ASIC2: variants seen among roughly 807,000 people sequenced by gnomAD.
The protein encoded by ASIC2 is acid-sensing ion channel 2.
A neutral mutation model predicts 57.3 loss-of-function variants in ASIC2; 25 were observed. The observed-to-expected ratio is 0.44, with a 90% CI of 0.32 to 0.61. The LOEUF (loss-of-function observed/expected upper bound fraction) is 0.61. ASIC2 is among the 20% of genes least tolerant of loss of function. ASIC2 has a pLI of 0.06. For missense variants in ASIC2, 641 were observed against 738.1 expected (o/e 0.87, Z 1.52); for synonymous variants, 319 against 307.5 (o/e 1.04, Z -0.39).
chr17:34,105,480 C>CTTT (rs11305436), intron 1 of ASIC2, among the ~76,000 whole-genome samples: 2 of 122,876 alleles, frequency 1.6e-5, no homozygotes, highest in South Asian at 2.6e-4. Context: ...TTTCATCTAC[C>CTTT]TTTTTTTTTT....
intron 1 of ASIC2, among the ~76,000 whole-genome samples, chr17:34,063,321 C>G (rs977610158): frequency 2.6e-5 from 4 of 152,122 alleles, no homozygotes; most frequent in African/African-American, 9.7e-5. Context: ...ATCCAGCATC[C>G]TTTATGATTA....
intron 1 of ASIC2, among the ~76,000 whole-genome samples, chr17:33,554,159 T>G (rs1359691932): frequency 6.6e-6 from 1 of 152,238 alleles, no homozygotes; most frequent in Admixed American, 6.5e-5. Flanking sequence ...TTTAACTGCC[T>G]TGGATGGTTT....
At chr17:33,922,594 T>G (rs1915730342) in intron 1 of ASIC2, among the ~76,000 whole-genome samples, 1 of 152,358 alleles carries the variant, frequency 6.6e-6, no homozygotes, top group East Asian at 1.9e-4. Context: ...ATGAACATTC[T>G]ACAAATGTGA....
intron 1 of ASIC2, among the ~76,000 whole-genome samples, chr17:33,600,227 G>A (rs1905089439): frequency 6.6e-6 from 1 of 152,206 alleles, no homozygotes; most frequent in African/African-American, 2.4e-5. Context: ...CGTAATTATT[G>A]CAGGAATGGG....
intron 1 of ASIC2, among the ~76,000 whole-genome samples, chr17:33,407,792 G>A (rs979652352): frequency 6.6e-6 from 1 of 152,220 alleles, no homozygotes; most frequent in African/African-American, 2.4e-5. Context: ...AAGGAATTCT[G>A]GGAACCAGGT....
chr17:33,663,268 C>CA (rs567218743), intron 1 of ASIC2, among the ~76,000 whole-genome samples: 11 of 152,222 alleles, frequency 7.2e-5, no homozygotes, highest in Non-Finnish European at 1.5e-4. Flanking sequence ...TGTCTGATTC[C>CA]AAAATCCTTG....
intron 1 of ASIC2, among the ~76,000 whole-genome samples, chr17:33,560,493 G>A (rs1371878783): frequency 6.6e-6 from 1 of 152,186 alleles, no homozygotes; most frequent in African/African-American, 2.4e-5. Context: ...GGGAAAAGCA[G>A]GATTTGGGCA....
intron 1 of ASIC2, among the ~76,000 whole-genome samples, chr17:33,170,966 T>C (rs973493612): frequency 5.9e-5 from 9 of 152,170 alleles, no homozygotes; most frequent in African/African-American, 1.7e-4. Flanking sequence ...CCTCTTCCCC[T>C]CTACAGGCCT....
chr17:33,670,431 T>C (rs1907606456), intron 1 of ASIC2, among the ~76,000 whole-genome samples: 2 of 152,124 alleles, frequency 1.3e-5, no homozygotes, highest in African/African-American at 4.8e-5. Context: ...CCATTTTAAA[T>C]GAAGAGAAAA....
intron 1 of ASIC2, among the ~76,000 whole-genome samples, chr17:33,769,227 G>T (rs1911023846): frequency 1.3e-5 from 2 of 152,226 alleles, no homozygotes. Context: ...GGAACTGAAA[G>T]AACTAATTAG....
chr17:34,083,556 T>C (rs1036378133), intron 1 of ASIC2, among the ~76,000 whole-genome samples: 2 of 152,034 alleles, frequency 1.3e-5, no homozygotes, highest in African/African-American at 4.8e-5. Context: ...GATGGCTGGG[T>C]CAAATGGTAT....
intron 1 of ASIC2, among the ~76,000 whole-genome samples, chr17:33,353,003 A>G (rs1454826395): frequency 1.3e-5 from 2 of 152,030 alleles, no homozygotes; most frequent in African/African-American, 4.8e-5. Context: ...CACCAATAAC[A>G]TTTACCCATC....
intron 1 of ASIC2, among the ~76,000 whole-genome samples, chr17:34,031,282 C>A (rs1238995766): frequency 6.6e-6 from 1 of 152,202 alleles, no homozygotes; most frequent in African/African-American, 2.4e-5. Flanking sequence ...CAAACTCCAA[C>A]AGACCTGCAG....
At chr17:33,678,435 CCACACACACACACA>C (rs71144896) in intron 1 of ASIC2, among the ~76,000 whole-genome samples, 11 of 139,508 alleles carry the variant, frequency 7.9e-5, no homozygotes, top group African/African-American at 1.6e-4. Context: ...CTGGTTCAAT[CCACACACACACACA>C]CACACACACA....
At chr17:34,152,006 C>T (rs962587994) in intron 1 of ASIC2, among the ~76,000 whole-genome samples, 51 of 152,136 alleles carry the variant, frequency 3.4e-4, no homozygotes, top group African/African-American at 1.1e-3. Flanking sequence ...CCTACATGTT[C>T]CTAGTATAAT....
chr17:33,377,140 T>C (rs964678565), intron 1 of ASIC2, among the ~76,000 whole-genome samples: 3 of 152,160 alleles, frequency 2.0e-5, no homozygotes, highest in African/African-American at 7.2e-5. Context: ...AACCTCCTCC[T>C]CCTGGGTTCA....
intron 1 of ASIC2, among the ~76,000 whole-genome samples, chr17:34,135,529 T>C (rs772453577): frequency 1.3e-5 from 2 of 152,210 alleles, no homozygotes; most frequent in Non-Finnish European, 2.9e-5. Flanking sequence ...GACTTCTCTG[T>C]GGCGAGACCC....
intron 3 of ASIC2, among the ~76,000 whole-genome samples, chr17:33,031,635 G>A (rs1024928680): frequency 8.5e-5 from 13 of 152,164 alleles, no homozygotes; most frequent in East Asian, 3.9e-4. Flanking sequence ...ATTGTTGCTC[G>A]GATCTTCTAT....
intron 1 of ASIC2, among the ~76,000 whole-genome samples, chr17:33,637,991 T>G (rs1253943010): frequency 3.3e-5 from 5 of 152,110 alleles, no homozygotes; most frequent in Admixed American, 6.5e-5. Flanking sequence ...GTACAGAGTC[T>G]GCCTCTGGGT....
Sources: gnomAD v4.1 joint callset for allele counts (sites outside exome capture counted in the v4.1 genomes callset) on GRCh38, gnomAD v4.1.1 for gene constraint, MANE v1.5 for transcripts, NCBI Gene and HGNC (gene_info 2026-07-23, HGNC 2026-07-21) for gene names.